KANK1: variants seen among roughly 807,000 people sequenced by gnomAD.
KANK1 encodes KN motif and ankyrin repeat domain-containing protein 1.
KANK1 carries 109 observed loss-of-function variants against 106.2 expected under a neutral mutation model. The ratio of observed to expected loss-of-function variants is 1.03; its 90% CI spans 0.88 to 1.20. The LOEUF (loss-of-function observed/expected upper bound fraction) is 1.20, where lower values mean the gene tolerates loss of function less well. Ranked by LOEUF, KANK1 falls within the 50% of genes most tolerant of loss-of-function variation. KANK1 has a pLI of 0.00. For synonymous variants in KANK1, 873 were observed against 652.2 expected (o/e 1.34, Z -5.16); for missense variants, 2,399 against 1,710.7 (o/e 1.40, Z -7.10).
chr9:569,221 A>G (rs148746757), intron 1 of KANK1, among the ~76,000 whole-genome samples: 14 of 152,010 alleles, frequency 9.2e-5, no homozygotes, highest in East Asian at 1.9e-4. Flanking sequence ...TCCTATCTCT[A>G]TATGTTCGTC....
rs1456397614 is a variant in KANK1, at chr9:745,541, C to T, written c.*306C>T. ...TGAAGGGGCACCTTCTGTTCACTCC[C>T]ACAAAGTGGTGTCTGGTTCTCACTG... On this transcript the variant is annotated 3_prime_UTR_variant, in exon 12 of 12. Coordinates refer to ENST00000382297, the MANE Select transcript of KANK1 (RefSeq NM_015158.5). 4.4e-6 allele frequency: 1 copy of T among 226,542 alleles called. No individual in the cohort carries two copies. The highest frequency in any genetic ancestry group is 8.6e-6 in the Non-Finnish European group (1 of 116,856). The allele number at this position is 226,542 out of a possible 1,614,324, so 14.0% of individuals were successfully genotyped here. A position where few individuals can be genotyped will look rare whatever the true frequency, so the allele number is the denominator to read the frequency against.
intron 1 of KANK1, among the ~76,000 whole-genome samples, chr9:582,537 C>G (rs1822438053): frequency 6.6e-6 from 1 of 152,150 alleles, no homozygotes; most frequent in African/African-American, 2.4e-5. Context: ...GCCTAATTGA[C>G]TACAACCAGT....
At position 592,972 on chromosome 9, in the gene KANK1, GTCAC is replaced by G. The variant is rs1330408184; in HGVS notation, c.-83-83917_-83-83914del. Among the ~76,000 whole-genome samples the G allele has an allele frequency of 3.9e-5, 6 of 151,940 alleles. No homozygotes were observed. In the East Asian group the frequency reaches 1.2e-3, roughly 29 times the overall value. On this transcript the variant is annotated intron_variant, in intron 1 of 11. Transcript: ENST00000382297. ...CAATACCAAGAAAGATGATCTTGGC[GTCAC>G]CCACCATAGCCTACCTTCTAAGAAG...
Position 518,940 on chromosome 9 carries a change from G to C in KANK1, c.-84+14186G>C, listed in dbSNP as rs917868472. Among the ~76,000 whole-genome samples the C allele has an allele frequency of 2.0e-5, 3 of 151,518 alleles. 1 individual carries two copies. The highest frequency in any genetic ancestry group is 4.4e-5 in the Non-Finnish European group (3 of 67,984). On this transcript the variant is annotated intron_variant, in intron 1 of 11. Coordinates refer to ENST00000382297, the MANE Select transcript of KANK1 (RefSeq NM_015158.5). ...AGTTTCGCTCTTGTTGCCCAGGCTG[G>C]AGTGCAATGGCATGATCTCGGCTCA... is the stretch of plus-strand genomic sequence containing the variant.
intron 3 of KANK1, among the ~76,000 whole-genome samples, chr9:719,491 CT>C (rs1828730344): frequency 6.6e-6 from 1 of 152,174 alleles, no homozygotes; most frequent in African/African-American, 2.4e-5. Flanking sequence ...CTACACTCTT[CT>C]TTTTTGTGTT....
intron 1 of KANK1, among the ~76,000 whole-genome samples, chr9:631,825 G>A (rs1337466525): frequency 6.6e-6 from 1 of 152,086 alleles, no homozygotes; most frequent in East Asian, 1.9e-4. Flanking sequence ...CTCCCCTTTG[G>A]GGCCAATTTA....
At chr9:549,994 A>T (rs900024227) in intron 1 of KANK1, among the ~76,000 whole-genome samples, 10 of 152,054 alleles carry the variant, frequency 6.6e-5, no homozygotes, top group South Asian at 2.1e-4. Context: ...AACACTGGGG[A>T]CACTGAGGTG....
At chr9:635,811 GTC>G (rs1254673467) in intron 1 of KANK1, among the ~76,000 whole-genome samples, 1 of 143,806 alleles carries the variant, frequency 7.0e-6, no homozygotes, top group Non-Finnish European at 1.5e-5. Flanking sequence ...TGATTCTCCT[GTC>G]TCAGCCTCCC....
intron 2 of KANK1, among the ~76,000 whole-genome samples, chr9:708,946 C>G (rs1432349934): frequency 1.3e-5 from 2 of 152,194 alleles, no homozygotes; most frequent in African/African-American, 4.8e-5. Flanking sequence ...CCCAGGTCAG[C>G]GACAAGGTCT....
rs778079290 is a variant in KANK1, at chr9:713,438, A to C, written c.2672A>C (p.Gln891Pro). Residue 891 changes from glutamine to proline, a missense_variant, in exon 3 of 12, where the codon CAG (glutamine) becomes CCG (proline). Physicochemically the swap from Gln to Pro is moderately conservative, Grantham distance 76. Transcript: ENST00000382297. ...STEELRNPDF[Q>P]KTSLGKITGN... The stretch of plus-strand genomic sequence containing the variant: ...GAAGAGCTGAGGAACCCTGACTTCC[A>C]GAAAACCAGTCTGGGTAAAATCACA... 9 of 1,599,850 alleles carry C rather than the reference A, an allele frequency of 5.6e-6. No individual in the cohort carries two copies. Among genetic ancestry groups the C allele is most frequent in the Non-Finnish European group, 7.7e-6 (9 of 1,174,230 alleles).
Position 731,140 on chromosome 9 carries a change from G to T in KANK1, c.2897-18G>T. ...ATGGGTGTGAGTTTTCATTTTTATT[G>T]CCTTGACTTTTTCACAGCATGTACA... On this transcript the variant is annotated intron_variant, in intron 4 of 11. Coordinates refer to ENST00000382297, the MANE Select transcript of KANK1 (RefSeq NM_015158.5). 1 of 1,450,776 alleles carries T rather than the reference G, an allele frequency of 6.9e-7. No homozygotes were observed. Among genetic ancestry groups the T allele is most frequent in the East Asian group, 2.3e-5 (1 of 43,514 alleles). The allele number at this position is 1,450,776 out of a possible 1,614,324, so 89.9% of individuals were successfully genotyped here.
At chr9:651,329 A>G (rs1005708289) in intron 1 of KANK1, among the ~76,000 whole-genome samples, 1 of 152,156 alleles carries the variant, frequency 6.6e-6, no homozygotes, top group African/African-American at 2.4e-5. Flanking sequence ...CATTGCTTCA[A>G]AATTCCTGAA....
chr9:738,341 A>T lies in KANK1; in HGVS notation c.3390A>T (p.Ser1130=), dbSNP rs755173089. 1 of 1,614,166 alleles carries T rather than the reference A, an allele frequency of 6.2e-7. No individual in the cohort carries two copies. Among genetic ancestry groups the T allele is most frequent in the South Asian group, 1.1e-5 (1 of 91,066 alleles). Residue 1130 remains serine (S), a synonymous_variant, in exon 8 of 12, where the codon TCA becomes TCT. Coordinates refer to ENST00000382297, the MANE Select transcript of KANK1 (RefSeq NM_015158.5). ...GGTTCCGCGTGTCCAGTCAGAAGTCAGCCATTCCAGCCATGGTGGGGGACT... is the reference window on the plus strand; with the variant it reads ...GGTTCCGCGTGTCCAGTCAGAAGTCTGCCATTCCAGCCATGGTGGGGGACT... ...HEWFRVSSQK[S]AIPAMVGDYI...
intron 1 of KANK1, among the ~76,000 whole-genome samples, chr9:569,916 C>A (rs147854388): frequency 2.6e-5 from 4 of 151,918 alleles, no homozygotes; most frequent in African/African-American, 9.7e-5. Context: ...TCATCAGATT[C>A]CGTAACACTT....
rs552445697 is a variant in KANK1 at position 716,354 on chromosome 9, T to C, written c.2698+2890T>C. ...TGACGTTGTTGTTATGGTTAGAGTA[T>C]TTCCAGAAATAGAAATGTAGATCTA... is the stretch of plus-strand genomic sequence containing the variant. On this transcript the variant is annotated intron_variant, in intron 3 of 11. Transcript: ENST00000382297. 2.0e-5 allele frequency among the ~76,000 whole-genome samples: 3 copies of C among 152,336 alleles called. No individual in the cohort carries two copies. In the East Asian group the frequency reaches 5.8e-4, roughly 29 times the overall value.
At chr9:681,924 G>C (rs756339674) in intron 2 of KANK1, among the ~76,000 whole-genome samples, 1 of 151,994 alleles carries the variant, frequency 6.6e-6, no homozygotes, top group African/African-American at 2.4e-5. Context: ...TTGCAGCCTG[G>C]ATATATATTT....
chr9:630,373 AC>A (rs1162418079), intron 1 of KANK1, among the ~76,000 whole-genome samples: 1 of 150,756 alleles, frequency 6.6e-6, no homozygotes, highest in African/African-American at 2.5e-5. Context: ...ACATGGTGAA[AC>A]CCCATCTCTA....
intron 1 of KANK1, among the ~76,000 whole-genome samples, chr9:622,805 G>A (rs537196832): frequency 2.0e-5 from 3 of 152,198 alleles, no homozygotes; most frequent in Non-Finnish European, 2.9e-5. Context: ...GGGAGGCTGA[G>A]GCAGGAGAAT....
chr9:573,484 A>T (rs530651624), intron 1 of KANK1, among the ~76,000 whole-genome samples: 1 of 152,060 alleles, frequency 6.6e-6, no homozygotes, highest in Non-Finnish European at 1.5e-5. Flanking sequence ...GTTAGCCAGG[A>T]TGGTCTCGAT....
Sources: allele counts gnomAD v4.1 joint callset (sites outside exome capture counted in the v4.1 genomes callset), GRCh38; gene constraint gnomAD v4.1.1; transcripts MANE v1.5; gene names NCBI Gene and HGNC (gene_info 2026-07-23, HGNC 2026-07-21).